SPAG16: variants seen among roughly 807,000 people sequenced by gnomAD.
The protein encoded by SPAG16 is sperm associated antigen 16, also known as sperm-associated antigen 16 protein.
In SPAG16, 86 loss-of-function variants were observed where a neutral mutation model predicts 80.4. The observed-to-expected ratio is 1.07, with a 90% CI of 0.90 to 1.28. SPAG16 has a LOEUF of 1.28. Ranked by LOEUF, SPAG16 falls within the 50% of genes most tolerant of loss-of-function variation. The probability of loss-of-function intolerance (pLI) is 0.00; values close to 1 mark genes in which losing one functional copy is unlikely to be tolerated. For missense variants in SPAG16, 870 were observed against 765.3 expected, an observed-to-expected ratio of 1.14 and a Z score of -1.61; for synonymous variants, 294 against 265.9, an observed-to-expected ratio of 1.11 and a Z score of -1.03.
At chr2:214,063,265 C>T (rs1324194622) in intron 13 of SPAG16, among the ~76,000 whole-genome samples, 3 of 152,130 alleles carry the variant, frequency 2.0e-5, no homozygotes, top group Non-Finnish European at 2.9e-5. Context: ...ACATGCCACC[C>T]ATACTTTTGC....
chr2:213,725,242 T>C (rs1050426462), intron 10 of SPAG16, among the ~76,000 whole-genome samples: 22 of 152,126 alleles, frequency 1.4e-4, no homozygotes, highest in South Asian at 4.1e-4. Context: ...CAGGCTGGTC[T>C]GGAACTCCTG....
intron 13 of SPAG16, among the ~76,000 whole-genome samples, chr2:214,045,041 C>G (rs926402903): frequency 6.6e-6 from 1 of 152,210 alleles, no homozygotes. Flanking sequence ...GCACATTGAC[C>G]TACTGAGACA....
chr2:214,107,740 C>T (rs1029963151), intron 13 of SPAG16, among the ~76,000 whole-genome samples: 1 of 152,096 alleles, frequency 6.6e-6, no homozygotes, highest in African/African-American at 2.4e-5. Context: ...AATGTTAATG[C>T]TGAACTGTGA....
chr2:213,941,722 G>A (rs901245160), intron 12 of SPAG16, among the ~76,000 whole-genome samples: 6 of 152,058 alleles, frequency 3.9e-5, no homozygotes, highest in Non-Finnish European at 8.8e-5. Context: ...TACATGCTTT[G>A]TGACTATACC....
In SPAG16 at chr2:213,696,364, G is replaced by A. The variant is rs2065152801; in HGVS notation, c.1071-166121G>A. 2.0e-5 allele frequency among the ~76,000 whole-genome samples: 3 copies of A among 152,168 alleles called. No individual in the cohort carries two copies. In the South Asian group the frequency reaches 6.2e-4, roughly 32 times the overall value. ...GGATATGTGAGTTTGGAGTTCAGAA[G>A]AGAGGTCAGCACTGGCCATCAATAT... is the stretch of plus-strand genomic sequence containing the variant. On this transcript the variant is annotated intron_variant, in intron 10 of 15. Coordinates refer to ENST00000331683, the MANE Select transcript of SPAG16 (RefSeq NM_024532.5).
intron 15 of SPAG16, among the ~76,000 whole-genome samples, chr2:214,227,697 GGTGTAT>G (rs1489153032): frequency 2.7e-5 from 2 of 73,944 alleles, no homozygotes; most frequent in Admixed American, 1.6e-4. Flanking sequence ...TCTTGTGGAA[GGTGTAT>G]GTGTGTGTGT....
intron 6 of SPAG16, among the ~76,000 whole-genome samples, chr2:213,346,568 T>C (rs2065003961): frequency 6.6e-6 from 1 of 152,214 alleles, no homozygotes; most frequent in Non-Finnish European, 1.5e-5. Context: ...CAATACCTCA[T>C]TTATTGAGAG....
At chr2:214,115,479 A>T (rs1000676008) in intron 14 of SPAG16, among the ~76,000 whole-genome samples, 1 of 152,212 alleles carries the variant, frequency 6.6e-6, no homozygotes, top group African/African-American at 2.4e-5. Context: ...AAAATTCTAC[A>T]ATTTCAGATT....
intron 10 of SPAG16, among the ~76,000 whole-genome samples, chr2:213,762,938 TA>T (rs566237915): frequency 6.9e-4 from 105 of 152,118 alleles, no homozygotes; most frequent in African/African-American, 2.4e-3. Context: ...ACTCAATAGT[TA>T]AAAAAACCAA....
chr2:214,210,948 C>G (rs748575588), intron 15 of SPAG16, among the ~76,000 whole-genome samples: 17 of 151,924 alleles, frequency 1.1e-4, no homozygotes, highest in Admixed American at 2.0e-4. Flanking sequence ...TCTAGAATAT[C>G]TGACAACAAA....
intron 15 of SPAG16, among the ~76,000 whole-genome samples, chr2:214,215,888 T>C (rs2058419602): frequency 6.6e-6 from 1 of 152,240 alleles, no homozygotes; most frequent in South Asian, 2.1e-4. Context: ...CCTAATCCAT[T>C]CAGACTTTTT....
At chr2:214,152,787 A>G (rs1383797176) in intron 15 of SPAG16, among the ~76,000 whole-genome samples, 2 of 152,194 alleles carry the variant, frequency 1.3e-5, no homozygotes, top group Non-Finnish European at 2.9e-5. Context: ...TCACGTGTCC[A>G]CTGGACAGGG....
chr2:213,992,175 G>A (rs894221103), intron 12 of SPAG16, among the ~76,000 whole-genome samples: 3 of 152,114 alleles, frequency 2.0e-5, no homozygotes, highest in African/African-American at 7.2e-5. Context: ...ACTACATACT[G>A]TTTTCCAGGA....
intron 13 of SPAG16, among the ~76,000 whole-genome samples, chr2:214,048,496 T>C (rs2125122443): frequency 6.6e-6 from 1 of 150,672 alleles, no homozygotes. Flanking sequence ...TTGTGGAAGC[T>C]AAAAATTAAA....
At chr2:213,679,881 T>C (rs955136650) in intron 10 of SPAG16, among the ~76,000 whole-genome samples, 19 of 152,080 alleles carry the variant, frequency 1.2e-4, no homozygotes, top group Admixed American at 1.2e-3. Context: ...TAGATACATA[T>C]GCAAAGGGAT....
intron 10 of SPAG16, among the ~76,000 whole-genome samples, chr2:213,634,845 G>A (rs559039151): frequency 6.6e-6 from 1 of 152,068 alleles, no homozygotes; most frequent in African/African-American, 2.4e-5. Flanking sequence ...AAGTGAGAAT[G>A]TAAGAGGCTT....
At chr2:213,358,420 ACAT>A (rs1357006167) in intron 7 of SPAG16, among the ~76,000 whole-genome samples, 1 of 152,092 alleles carries the variant, frequency 6.6e-6, no homozygotes, top group Non-Finnish European at 1.5e-5. Context: ...TGGTCTTTTC[ACAT>A]AGTGCCATAT....
chr2:214,072,444 A>G (rs1291003907), intron 13 of SPAG16, among the ~76,000 whole-genome samples: 2 of 152,064 alleles, frequency 1.3e-5, no homozygotes, highest in African/African-American at 4.8e-5. Context: ...ACCCCGAACA[A>G]TCCCACCCAC....
At chr2:213,966,880 A>G (rs957009379) in intron 12 of SPAG16, among the ~76,000 whole-genome samples, 2 of 152,002 alleles carry the variant, frequency 1.3e-5, no homozygotes, top group African/African-American at 4.8e-5. Context: ...TCCTCCATTC[A>G]TTAAGGGAAG....
Sources: gnomAD v4.1 joint callset for allele counts (sites outside exome capture counted in the v4.1 genomes callset) on GRCh38, gnomAD v4.1.1 for gene constraint, MANE v1.5 for transcripts, NCBI Gene and HGNC (gene_info 2026-07-23, HGNC 2026-07-21) for gene names.